The following NEK11 variants were observed in gnomAD, a reference collection of about 807,000 sequenced individuals.
NEK11 encodes NIMA related kinase 11.
NEK11 carries 72 observed loss-of-function variants against 80.7 expected under a neutral mutation model. The ratio of observed to expected loss-of-function variants is 0.89; its 90% confidence interval spans 0.74 to 1.08. The LOEUF (loss-of-function observed/expected upper bound fraction) is 1.08, where lower values mean the gene tolerates loss of function less well. Ranked by LOEUF, NEK11 falls within the 50% of genes least tolerant of loss-of-function variation. The pLI, the probability that NEK11 is intolerant of heterozygous loss-of-function variation, is 0.00. For synonymous variants in NEK11, 251 were observed against 260.7 expected (o/e 0.96, Z 0.36); for missense variants, 764 against 763.6 (o/e 1.00, Z -0.01).
chr3:131,285,665 C>T (rs1315024963), intron 17 of NEK11, among the ~76,000 whole-genome samples: 1 of 152,226 alleles, frequency 6.6e-6, no homozygotes, highest in African/African-American at 2.4e-5. Context: ...CTCATGCGGG[C>T]ACCTGAGTCA....
intron 3 of NEK11, among the ~76,000 whole-genome samples, chr3:131,058,815 G>A (rs2070213351): frequency 6.6e-6 from 1 of 152,136 alleles, no homozygotes; most frequent in South Asian, 2.1e-4. Flanking sequence ...GTCTGTCTGG[G>A]TAACAGGAAT....
chr3:131,202,433 A>G (rs1445013926), intron 14 of NEK11, among the ~76,000 whole-genome samples: 2 of 152,204 alleles, frequency 1.3e-5, no homozygotes, highest in East Asian at 3.9e-4. Flanking sequence ...ACGGCACACC[A>G]GGAGATTATA....
At chr3:131,050,809 G>A (rs963272384) in intron 3 of NEK11, among the ~76,000 whole-genome samples, 6 of 152,190 alleles carry the variant, frequency 3.9e-5, no homozygotes, top group African/African-American at 7.2e-5. Context: ...CAGGAGGATC[G>A]CTTGAACCCA....
At chr3:131,223,993 T>C (rs965922928) in intron 14 of NEK11, among the ~76,000 whole-genome samples, 4 of 152,230 alleles carry the variant, frequency 2.6e-5, no homozygotes, top group Non-Finnish European at 5.9e-5. Context: ...CATAACAATC[T>C]TTTGGTCAAT....
intron 17 of NEK11, among the ~76,000 whole-genome samples, chr3:131,311,460 A>G (rs980074063): frequency 1.3e-5 from 2 of 152,136 alleles, no homozygotes; most frequent in Non-Finnish European, 2.9e-5. Flanking sequence ...GTGACTTACT[A>G]GTCCTGTAGC....
rs147222539 is a variant in NEK11 at position 131,180,571 on chromosome 3, G to A, written c.1399+9684G>A. Among the ~76,000 whole-genome samples the A allele has an allele frequency of 3.4e-3, 523 of 152,156 alleles. 2 individuals are homozygous for A. Among genetic ancestry groups the A allele is most frequent in the African/African-American group, 0.012 (479 of 41,512 alleles). On this transcript the variant is annotated intron_variant, in intron 14 of 17. Transcript: ENST00000383366. The stretch of plus-strand genomic sequence containing the variant: ...TAAAAAGCAAAATATAATTAAAAAA[G>A]GAATGAGCTATAAATCCCTTGTTAC...
At chr3:131,074,747 C>T (rs113489682) in intron 3 of NEK11, among the ~76,000 whole-genome samples, 2 of 152,262 alleles carry the variant, frequency 1.3e-5, no homozygotes, top group African/African-American at 2.4e-5. Flanking sequence ...CAAAAGTGAA[C>T]ATCCTGAAGC....
chr3:131,093,011 G>T (rs1033340622), intron 4 of NEK11: 1 of 152,194 alleles, frequency 6.6e-6, no homozygotes, highest in Non-Finnish European at 1.5e-5. Context: ...CAGTGGTACT[G>T]TTAGAATCTC....
chr3:131,116,953 T>G (rs2081341879), intron 5 of NEK11, among the ~76,000 whole-genome samples: 1 of 152,220 alleles, frequency 6.6e-6, no homozygotes, highest in South Asian at 2.1e-4. Flanking sequence ...GGTAGTTTCT[T>G]TTGCTGTGCA....
At chr3:131,310,591 A>G (rs2096771993) in intron 17 of NEK11, among the ~76,000 whole-genome samples, 1 of 152,306 alleles carries the variant, frequency 6.6e-6, no homozygotes, top group East Asian at 1.9e-4. Flanking sequence ...TTTATACATG[A>G]CAGATATACT....
At chr3:131,262,832 G>C (rs933197101) in intron 16 of NEK11, among the ~76,000 whole-genome samples, 2 of 151,786 alleles carry the variant, frequency 1.3e-5, no homozygotes, top group African/African-American at 4.8e-5. Flanking sequence ...ACCCCCGACA[G>C]GCCCTGGTGT....
chr3:131,125,408 A>T (rs1023245868), intron 5 of NEK11, among the ~76,000 whole-genome samples: 1 of 152,196 alleles, frequency 6.6e-6, no homozygotes, highest in Non-Finnish European at 1.5e-5. Flanking sequence ...GTTTTAATTA[A>T]TAATAGTAAT....
At chr3:131,116,201 C>A (rs1281895841) in intron 5 of NEK11, among the ~76,000 whole-genome samples, 1 of 151,926 alleles carries the variant, frequency 6.6e-6, no homozygotes, top group African/African-American at 2.4e-5. Context: ...GTTCAGTTCT[C>A]ACCTATGAGT....
At position 131,044,080 on chromosome 3, in the gene NEK11, C is replaced by A. The variant is rs181158625; in HGVS notation, c.170+14202C>A. On this transcript the variant is annotated intron_variant, in intron 3 of 17. Coordinates refer to ENST00000383366, the MANE Select transcript of NEK11 (RefSeq NM_024800.5). ...AGCAAATACTGAGGATTTTGCCTTA[C>A]AAGAGGTCCTGAAGGAAGCACTAAA... Among the ~76,000 whole-genome samples, 11 of 151,790 alleles carry A rather than the reference C, an allele frequency of 7.2e-5. No homozygotes were observed. The East Asian group carries it at 1.9e-3, about 27-fold the overall frequency.
intron 2 of NEK11, 34 bp downstream of exon 2, chr3:131,028,036 T>G (rs998705442): frequency 6.6e-6 from 1 of 152,214 alleles, no homozygotes; most frequent in African/African-American, 2.4e-5. Context: ...CAGCTTAGTA[T>G]GGCCAGACGG....
chr3:131,230,348 C>A (rs969414045), intron 15 of NEK11, among the ~76,000 whole-genome samples: 1 of 152,112 alleles, frequency 6.6e-6, no homozygotes. Context: ...GTTTGCGTGA[C>A]CTTGTTCAAA....
intron 17 of NEK11, among the ~76,000 whole-genome samples, chr3:131,302,271 G>A (rs566541817): frequency 2.8e-4 from 43 of 151,946 alleles, no homozygotes; most frequent in African/African-American, 1.0e-3. Context: ...ATTCTAGCTA[G>A]TGGTGTATCA....
chr3:131,324,657 C>T (rs1030349821), intron 17 of NEK11, among the ~76,000 whole-genome samples: 2 of 152,176 alleles, frequency 1.3e-5, no homozygotes, highest in African/African-American at 4.8e-5. Flanking sequence ...GGCTATGTTT[C>T]ATGGCACATT....
chr3:131,291,847 C>T (rs1304565551), intron 17 of NEK11, among the ~76,000 whole-genome samples: 5 of 152,110 alleles, frequency 3.3e-5, no homozygotes, highest in Non-Finnish European at 7.4e-5. Flanking sequence ...ATAATAGCCC[C>T]TTATCAGATA....
Sources: gnomAD v4.1 joint callset for allele counts (sites outside exome capture counted in the v4.1 genomes callset) on GRCh38, gnomAD v4.1.1 for gene constraint, MANE v1.5 for transcripts, NCBI Gene and HGNC (gene_info 2026-07-23, HGNC 2026-07-21) for gene names.